Variants in GPRIN3 observed in about 807,000 individuals in gnomAD.
GPRIN3 encodes G protein-regulated inducer of neurite outgrowth 3.
In GPRIN3, 12 loss-of-function variants were observed where a neutral mutation model predicts 13.7. The ratio of observed to expected loss-of-function variants is 0.87; its 90% CI spans 0.56 to 1.42. GPRIN3 has a LOEUF of 1.42. Among genes scored for constraint, GPRIN3 ranks in the 40% most tolerant of loss-of-function variants. The pLI is 0.00. For synonymous variants in GPRIN3, 377 were observed against 372.7 expected (o/e 1.01, Z -0.13); for missense variants, 1,009 against 958.7 (o/e 1.05, Z -0.69).
At position 89,251,797 on chromosome 4, in the gene GPRIN3, A is replaced by G. The variant is rs561496594; in HGVS notation, c.-123-1564T>C. Among the ~76,000 whole-genome samples, 3 of 152,364 alleles carry G rather than the reference A, an allele frequency of 2.0e-5. No homozygotes were observed. The South Asian group carries it at 6.2e-4, about 32-fold the overall frequency. On this transcript the variant is annotated intron_variant, in intron 1 of 1. Coordinates refer to ENST00000609438, the MANE Select transcript of GPRIN3 (RefSeq NM_198281.3). ...CACAGATATGTCTGTGTATGATTAC[A>G]TAAATTCTAAAAACATTTGGAATGA...
chr4:89,256,960 AAGG>A (rs1261962642), intron 1 of GPRIN3, among the ~76,000 whole-genome samples: 4 of 152,220 alleles, frequency 2.6e-5, no homozygotes, highest in Non-Finnish European at 2.9e-5. Context: ...GCAGAGTTTG[AAGG>A]AGAAGTGATT....
At chr4:89,307,269 TCACA>T (rs57752539) in intron 1 of GPRIN3, among the ~76,000 whole-genome samples, 5,533 of 147,150 alleles carry the variant, frequency 0.038, 247 homozygotes, top group African/African-American at 0.11. Flanking sequence ...GAGACAAATG[TCACA>T]CACACACACA....
At chr4:89,283,757 A>C (rs1015149263) in intron 1 of GPRIN3, among the ~76,000 whole-genome samples, 1 of 152,188 alleles carries the variant, frequency 6.6e-6, no homozygotes, top group South Asian at 2.1e-4. Flanking sequence ...TTTCAGGTGC[A>C]TATGGACAAG....
Position 89,239,198 on chromosome 4 carries a change from GGA to G in GPRIN3, c.*8580_*8581del, listed in dbSNP as rs1230665994. 1.3e-5 allele frequency: 2 copies of G among 151,966 alleles called. No individual in the cohort carries two copies. The highest frequency in any genetic ancestry group is 3.9e-4 in the East Asian group (2 of 5,164). The allele number at this position is 151,966 out of a possible 1,614,324, so 9.4% of individuals were successfully genotyped here. On this transcript the variant is annotated 3_prime_UTR_variant, in exon 2 of 2. Transcript: ENST00000609438. ...TTTTAATATTAATACATTCATAAAT[GGA>G]CTTTCCATTTTGAATATTTTTTCTT...
chr4:89,305,350 A>C (rs1725006533), intron 1 of GPRIN3, among the ~76,000 whole-genome samples: 1 of 152,056 alleles, frequency 6.6e-6, no homozygotes, highest in Non-Finnish European at 1.5e-5. Context: ...CTGTCAGGGC[A>C]CTCCACCAGC....
At chr4:89,301,603 T>A (rs1213234440) in intron 1 of GPRIN3, among the ~76,000 whole-genome samples, 1 of 152,220 alleles carries the variant, frequency 6.6e-6, no homozygotes, top group Non-Finnish European at 1.5e-5. Context: ...ATTTTAATTT[T>A]ATGCTATTTA....
rs1561182581 is a variant in GPRIN3 at position 89,249,592 on chromosome 4, A to C, written c.519T>G (p.Pro173=). Residue 173 remains proline, a synonymous_variant, in exon 2 of 2, where the codon CCT becomes CCG. Transcript: ENST00000609438. ...NREQPEKPSC[P]VGGVLSSSKD... ...TGCTGCTACTGAGGACGCCTCCCACAGGACAACTTGGTTTCTCAGGTTGCT... is the reference window on the plus strand; with the variant it reads ...TGCTGCTACTGAGGACGCCTCCCACCGGACAACTTGGTTTCTCAGGTTGCT... 1.9e-6 allele frequency: 3 copies of C among 1,614,174 alleles called. No individual in the cohort carries two copies. The highest frequency in any genetic ancestry group is 1.3e-5 in the African/African-American group (1 of 75,048).
chr4:89,256,547 A>G (rs1723471128), intron 1 of GPRIN3, among the ~76,000 whole-genome samples: 1 of 152,178 alleles, frequency 6.6e-6, no homozygotes, highest in Admixed American at 6.5e-5. Context: ...ACGGATGGGG[A>G]GAGGTGTGGT....
At chr4:89,259,651 T>C (rs914869381) in intron 1 of GPRIN3, among the ~76,000 whole-genome samples, 1 of 152,222 alleles carries the variant, frequency 6.6e-6, no homozygotes, top group African/African-American at 2.4e-5. Flanking sequence ...GCTGCATTCT[T>C]GACCTTACTG....
chr4:89,267,343 A>G (rs1401166152), intron 1 of GPRIN3, among the ~76,000 whole-genome samples: 1 of 152,194 alleles, frequency 6.6e-6, no homozygotes, highest in African/African-American at 2.4e-5. Context: ...GGATTTTCCA[A>G]TATTACACCA....
intron 1 of GPRIN3, among the ~76,000 whole-genome samples, chr4:89,303,417 G>T (rs910714054): frequency 2.0e-5 from 3 of 152,126 alleles, no homozygotes; most frequent in Admixed American, 6.5e-5. Context: ...ACATTCAACT[G>T]AACAAGGCCT....
At position 89,244,621 on chromosome 4, in the gene GPRIN3, G is replaced by A. The variant is rs944203803; in HGVS notation, c.*3159C>T. The A allele has an allele frequency of 2.0e-5, 3 of 152,072 alleles. No homozygotes were observed. Among genetic ancestry groups the A allele is most frequent in the African/African-American group, 7.2e-5 (3 of 41,414 alleles). The allele number at this position is 152,072 out of a possible 1,614,324, so 9.4% of individuals were successfully genotyped here. A position where few individuals can be genotyped will look rare whatever the true frequency, so the allele number is the denominator to read the frequency against. Reference sequence around the variant, plus strand: ...AATCCAGAAATACATAATTAGAAAAGCATTCAAGATAAACATATGACAGCT... The same window carrying A: ...AATCCAGAAATACATAATTAGAAAAACATTCAAGATAAACATATGACAGCT... On this transcript the variant is annotated 3_prime_UTR_variant, in exon 2 of 2. Transcript: ENST00000609438.
chr4:89,261,941 G>A (rs374233105), intron 1 of GPRIN3, among the ~76,000 whole-genome samples: 6 of 151,478 alleles, frequency 4.0e-5, no homozygotes, highest in Non-Finnish European at 7.4e-5. Flanking sequence ...GTGAAACCCC[G>A]TCTCTACTAA....
At chr4:89,260,690 TTCCTGTATAGCTA>T (rs1244934265) in intron 1 of GPRIN3, among the ~76,000 whole-genome samples, 1 of 152,196 alleles carries the variant, frequency 6.6e-6, no homozygotes, top group Non-Finnish European at 1.5e-5. Context: ...CAATTGACAT[TTCCTGTATAGCTA>T]TTCTATAGGC....
intron 1 of GPRIN3, among the ~76,000 whole-genome samples, chr4:89,256,266 T>C (rs1723462780): frequency 1.3e-5 from 2 of 152,186 alleles, no homozygotes. Flanking sequence ...GGGAACCTTC[T>C]ATTTGCAAGT....
At chr4:89,301,976 T>C (rs961669727) in intron 1 of GPRIN3, among the ~76,000 whole-genome samples, 1 of 152,192 alleles carries the variant, frequency 6.6e-6, no homozygotes, top group Admixed American at 6.5e-5. Flanking sequence ...ACCAATCTTC[T>C]AGAGGTGGCT....
In GPRIN3 at chr4:89,247,011, A is replaced by G. The variant is rs1029722880; in HGVS notation, c.*769T>C. 6.6e-6 allele frequency: 1 copy of G among 152,236 alleles called. No individual in the cohort carries two copies. Among genetic ancestry groups the G allele is most frequent in the Non-Finnish European group, 1.5e-5 (1 of 68,042 alleles). The allele number at this position is 152,236 out of a possible 1,614,324, so 9.4% of individuals were successfully genotyped here. A position where few individuals can be genotyped will look rare whatever the true frequency, so the allele number is the denominator to read the frequency against. On this transcript the variant is annotated 3_prime_UTR_variant, in exon 2 of 2. Transcript: ENST00000609438. ...TAAGAAAATATGAATATGTCTGGTCAGAATCACAGAGATGCGCCTTGCCTT... is the reference window on the plus strand; with the variant it reads ...TAAGAAAATATGAATATGTCTGGTCGGAATCACAGAGATGCGCCTTGCCTT...
At chr4:89,285,347 T>C (rs1263909936) in intron 1 of GPRIN3, among the ~76,000 whole-genome samples, 1 of 110,732 alleles carries the variant, frequency 9.0e-6, no homozygotes, top group Non-Finnish European at 2.4e-5. Flanking sequence ...TAAAGTATAA[T>C]AATTAAAAAA....
In GPRIN3 at chr4:89,243,824, T is replaced by C. The variant is rs1374249136; in HGVS notation, c.*3956A>G. On this transcript the variant is annotated 3_prime_UTR_variant, in exon 2 of 2. Transcript: ENST00000609438. ...ATATGCAAACCTTATCCTAATGTAT[T>C]GTTTTTCTTTATACTGATTCATAAA... 1.3e-5 allele frequency: 2 copies of C among 152,234 alleles called. No individual in the cohort carries two copies. Among genetic ancestry groups the C allele is most frequent in the South Asian group, 2.1e-4 (1 of 4,826 alleles). The allele number at this position is 152,234 out of a possible 1,614,324, so 9.4% of individuals were successfully genotyped here.
Sources: allele counts gnomAD v4.1 joint callset (sites outside exome capture counted in the v4.1 genomes callset), GRCh38; gene constraint gnomAD v4.1.1; transcripts MANE v1.5; gene names NCBI Gene and HGNC (gene_info 2026-07-23, HGNC 2026-07-21).